The following HDC variants were observed in gnomAD, a reference collection of about 807,000 sequenced individuals.
HDC encodes histidine decarboxylase.
In HDC, 27 loss-of-function variants were observed where a neutral mutation model predicts 64.4. That is an observed-to-expected ratio of 0.42 (90% confidence interval 0.31 to 0.58). HDC has a LOEUF of 0.58. Ranked by LOEUF, HDC falls within the 20% of genes least tolerant of loss-of-function variation. HDC has a pLI of 0.16. For synonymous variants in HDC, 305 were observed against 314.2 expected (o/e 0.97, Z 0.31); for missense variants, 711 against 833.9 (o/e 0.85, Z 1.81).
rs1297567242 is a variant in HDC at position 50,248,588 on chromosome 15, A to G, written c.1042-245T>C. On this transcript the variant is annotated intron_variant, in intron 9 of 11. Coordinates refer to ENST00000267845, the MANE Select transcript of HDC (RefSeq NM_002112.4). This position sits in a 1 kb window ranked among gnomAD's most constrained non-coding sequence, Gnocchi z 4.3. ...AGCCAGACAAGTGGAAGTCAAGTCC[A>G]TTACCCTGAACCAATGAGAAGGGCA... Among the ~76,000 whole-genome samples the G allele has an allele frequency of 6.6e-6, 1 of 152,200 alleles. No individual in the cohort carries two copies. The highest frequency in any genetic ancestry group is 2.4e-5 in the African/African-American group (1 of 41,442).
chr15:50,256,265 T>C (rs2045629227), intron 4 of HDC, among the ~76,000 whole-genome samples: 1 of 152,238 alleles, frequency 6.6e-6, no homozygotes, highest in African/African-American at 2.4e-5. Context: ...CACAACATGC[T>C]GCAATTTGTC....
rs750174191 is a variant in HDC at position 50,242,478 on chromosome 15, G to A, written c.1771C>T (p.Pro591Ser). 1.1e-5 allele frequency: 17 copies of A among 1,614,136 alleles called. No homozygotes were observed. The highest frequency in any genetic ancestry group is 1.4e-5 in the Non-Finnish European group (16 of 1,180,004). ...GGCAGTGGCTTCTGAGCACTCACTG[G>A]CACACTGTTGCAACTGAGGGAGCGC... Reference protein sequence around the residue: ...TVRSLSCNSVPVSAQKPLPTE... With the variant: ...TVRSLSCNSVSVSAQKPLPTE... The change falls in exon 12 of 12, where the codon CCA (proline) becomes TCA (serine). Residue 591 changes from proline to serine, a missense_variant. This residue lies in a region of HDC where 483 missense variants were observed against 540.9 expected (regional missense o/e 0.89). Transcript: ENST00000267845.
chr15:50,243,312 A>C (rs2045429344), intron 10 of HDC, 68 bp from the exon 11 acceptor site: 6 of 1,072,492 alleles, frequency 5.6e-6, no homozygotes, highest in Non-Finnish European at 8.7e-6. Context: ...AAACTTTCAG[A>C]CTGCTAAATG....
chr15:50,253,608 C>T lies in HDC; in HGVS notation c.779G>A (p.Gly260Asp). ...AGAGGGAAGATACTTACAGATGGGG[C>T]CCAGCTCTGACAGGCAGTCAAATGC... Reference protein sequence around the residue: ...VCAFDCLSELGPICAREGLWL... With the variant: ...VCAFDCLSELDPICAREGLWL... The change falls in exon 7 of 12, where the codon GGC becomes GAC. Residue 260 changes from glycine (G) to aspartate (D), a missense_variant. By Grantham distance (94) the Gly-to-Asp change is moderately conservative. This residue lies in a region of HDC where 483 missense variants were observed against 540.9 expected (regional missense o/e 0.89). Coordinates refer to ENST00000267845, the MANE Select transcript of HDC (RefSeq NM_002112.4). The T allele has an allele frequency of 6.2e-7, 1 of 1,613,812 alleles. No individual in the cohort carries two copies. Among genetic ancestry groups the T allele is most frequent in the Non-Finnish European group, 8.5e-7 (1 of 1,179,818 alleles).
intron 4 of HDC, among the ~76,000 whole-genome samples, chr15:50,256,512 C>A (rs917408969): frequency 6.6e-6 from 1 of 152,178 alleles, no homozygotes; most frequent in South Asian, 2.1e-4. Flanking sequence ...CCTCAGCATC[C>A]CAAGTAGCTG....
At chr15:50,259,563 TC>T in intron 2 of HDC, among the ~76,000 whole-genome samples, 1 of 152,182 alleles carries the variant, frequency 6.6e-6, no homozygotes, top group Non-Finnish European at 1.5e-5. Context: ...CATGCCCTGT[TC>T]CTTTCTGCAT....
intron 9 of HDC, among the ~76,000 whole-genome samples, chr15:50,251,833 G>GAA (rs1055493584): frequency 2.1e-5 from 3 of 145,118 alleles, no homozygotes; most frequent in Admixed American, 6.8e-5. Flanking sequence ...CTCTGTCTCA[G>GAA]AAAAAAAAAA....
Position 50,253,671 on chromosome 15 carries a change from G to A in HDC, c.721-5C>T, listed in dbSNP as rs753574208. 2 of 1,612,782 alleles carry A rather than the reference G, an allele frequency of 1.2e-6. No individual in the cohort carries two copies. The highest frequency in any genetic ancestry group is 1.9e-4 in the Middle Eastern group (1 of 5,130). ...GGTCCCTAGTGTTGCACAGACCTAG[G>A]GGAAAATTAAGGCAAGTTAACACAG... On this transcript the variant is annotated splice_region_variant and splice_polypyrimidine_tract_variant and intron_variant, in intron 6 of 11. Coordinates refer to ENST00000267845, the MANE Select transcript of HDC (RefSeq NM_002112.4).
rs1228488372 is a variant in HDC, at chr15:50,248,318, C to T, written c.1067G>A (p.Arg356Gln). ...GAACCAGAGTTTAACAGAGCGAAAC[C>T]GTCGGCTCAGGGGGATCTGCCAGTG... ...FMHWQIPLSR[R>Q]FRSVKLWFVI... The change falls in exon 10 of 12, where the codon CGG becomes CAG. Residue 356 changes from arginine (R) to glutamine (Q), a missense_variant. Coordinates refer to ENST00000267845, the MANE Select transcript of HDC (RefSeq NM_002112.4). The surrounding 1 kb of genome is among the most constrained non-coding windows in gnomAD (Gnocchi z 4.3). 1.2e-5 allele frequency: 19 copies of T among 1,614,072 alleles called. No individual in the cohort carries two copies. Among genetic ancestry groups the T allele is most frequent in the Non-Finnish European group, 1.4e-5 (16 of 1,179,928 alleles).
chr15:50,254,790 G>A (rs201564114), intron 4 of HDC, 126 bp from the exon 5 acceptor site: 15 of 933,164 alleles, frequency 1.6e-5, no homozygotes, highest in East Asian at 2.6e-5. Context: ...GTGTGTATGT[G>A]TTTGTGTATG....
intron 2 of HDC, among the ~76,000 whole-genome samples, chr15:50,262,675 C>G (rs902337334): frequency 6.6e-6 from 1 of 152,216 alleles, no homozygotes; most frequent in Non-Finnish European, 1.5e-5. Context: ...AGCTCAATCA[C>G]CAGACCTCAG....
At chr15:50,258,595 C>A in intron 2 of HDC, 78 bp from the exon 3 acceptor site, 1 of 819,036 alleles carries the variant, frequency 1.2e-6, no homozygotes, top group Non-Finnish European at 2.1e-6. Context: ...CCATCTCTGG[C>A]AAGGTGAAGT....
intron 1 of HDC, among the ~76,000 whole-genome samples, chr15:50,265,247 A>T (rs1419273584): frequency 3.3e-5 from 5 of 152,058 alleles, no homozygotes; most frequent in Non-Finnish European, 7.4e-5. Context: ...TATTGAGAAA[A>T]TTTTTTTCTA....
intron 9 of HDC, 51 bp downstream of exon 9, chr15:50,252,379 G>C: frequency 3.4e-6 from 5 of 1,471,562 alleles, no homozygotes; most frequent in Non-Finnish European, 4.8e-6. Flanking sequence ...GACGCCTACA[G>C]TTCCCACTGG....
At chr15:50,258,352 C>G in intron 3 of HDC, 52 bp downstream of exon 3, 1 of 991,826 alleles carries the variant, frequency 1.0e-6, no homozygotes, top group Non-Finnish European at 1.6e-6. Flanking sequence ...CCCTAGGATA[C>G]CACTCCCTGC....
At position 50,254,181 on chromosome 15, in the gene HDC, A is replaced by C. The variant is rs746062446; in HGVS notation, c.669T>G (p.Ala223=). 6.2e-7 allele frequency: 1 copy of C among 1,614,212 alleles called. No homozygotes were observed. Among genetic ancestry groups the C allele is most frequent in the South Asian group, 1.1e-5 (1 of 91,086 alleles). The change falls in exon 6 of 12, where the codon GCT becomes GCG. Residue 223 remains alanine (A), a synonymous_variant. Coordinates refer to ENST00000267845, the MANE Select transcript of HDC (RefSeq NM_002112.4). ...VDDNFSLRGE[A]LQKAIEEDKQ... Reference sequence around the variant, plus strand: ...TGTCTTCCTCGATGGCCTTCTGAAGAGCTTCCCCTCGGAGTGAGAAGTTGT... The same window carrying C: ...TGTCTTCCTCGATGGCCTTCTGAAGCGCTTCCCCTCGGAGTGAGAAGTTGT...
At chr15:50,253,760 C>T in intron 6 of HDC, 94 bp from the exon 7 acceptor site, 2 of 929,168 alleles carry the variant, frequency 2.2e-6, no homozygotes, top group South Asian at 2.6e-5. Context: ...GATCTACTCC[C>T]ATCCATCCCA....
intron 10 of HDC, among the ~76,000 whole-genome samples, chr15:50,245,767 C>T (rs748088382): frequency 5.3e-5 from 8 of 152,120 alleles, no homozygotes; most frequent in South Asian, 2.1e-4. Context: ...TGATGGTATG[C>T]GCCTGTAGTC....
Position 50,265,710 on chromosome 15 carries a change from G to T in HDC, c.-87C>A. On this transcript the variant is annotated 5_prime_UTR_variant, in exon 1 of 12. Coordinates refer to ENST00000267845, the MANE Select transcript of HDC (RefSeq NM_002112.4). ...CGTGGAGCAGCCCGGCTTCCCTCTT[G>T]CCAGTCCTGCGCACTCCCTGGCAGC... 1 of 1,269,762 alleles carries T rather than the reference G, an allele frequency of 7.9e-7. No homozygotes were observed. The allele number at this position is 1,269,762 out of a possible 1,614,324, so 78.7% of individuals were successfully genotyped here.
Sources: gnomAD v4.1 joint callset for allele counts (sites outside exome capture counted in the v4.1 genomes callset) on GRCh38, gnomAD v4.1.1 for gene constraint, gnomAD v4.1.1 regional missense constraint, Gnocchi (gnomAD v3.1) non-coding constraint, MANE v1.5 for transcripts, NCBI Gene and HGNC (gene_info 2026-07-23, HGNC 2026-07-21) for gene names.